PCDHGA7: variants seen among roughly 807,000 people sequenced by gnomAD.
PCDHGA7 encodes protocadherin gamma subfamily A, 7.
Under a neutral mutation model 58.3 loss-of-function variants are expected in PCDHGA7, and 44 were observed. That is an observed-to-expected ratio of 0.75 (90% CI 0.59 to 0.97). The LOEUF is 0.97. Ranked by LOEUF, PCDHGA7 falls within the 50% of genes least tolerant of loss-of-function variation. The pLI is 0.00. For missense variants in PCDHGA7, 1,266 were observed against 1,188.7 expected (o/e 1.06, Z -0.96); for synonymous variants, 516 against 504.2 (o/e 1.02, Z -0.31).
In PCDHGA7 at chr5:141,383,707, G is replaced by A; in HGVS notation, c.808G>A (p.Asp270Asn). Residue 270 changes from aspartate to asparagine, a missense_variant, in exon 1 of 4, where the codon GAC (aspartate) becomes AAC (asparagine). Coordinates refer to ENST00000518325, the MANE Select transcript of PCDHGA7 (RefSeq NM_018920.4). ...GCTCACGGTACATGCTATCGACCTG[G>A]ACGAGGGAGTCAATGGGGAAGTGAC... Reference protein sequence around the residue: ...RLLTVHAIDLDEGVNGEVTYS... With the variant: ...RLLTVHAIDLNEGVNGEVTYS... The A allele has an allele frequency of 1.9e-6, 3 of 1,613,998 alleles. No homozygotes were observed. The highest frequency in any genetic ancestry group is 2.5e-6 in the Non-Finnish European group (3 of 1,179,886).
intron 1 of PCDHGA7, chr5:141,390,863 T>C (rs1292623547): frequency 6.6e-6 from 1 of 150,928 alleles, no homozygotes. Flanking sequence ...GTACGCTGTG[T>C]GTGCGTGTGT....
intron 1 of PCDHGA7, chr5:141,400,729 A>G: frequency 1.5e-6 from 1 of 649,042 alleles, no homozygotes. Flanking sequence ...TTTACAAAGT[A>G]GTGAGAGTTT....
chr5:141,460,936 A>G (rs189741735), intron 1 of PCDHGA7, among the ~76,000 whole-genome samples: 31 of 149,318 alleles, frequency 2.1e-4, no homozygotes, highest in Non-Finnish European at 3.8e-4. Flanking sequence ...GTGTGTGTGT[A>G]TATATATGTA....
chr5:141,418,313 A>G (rs750036471), intron 1 of PCDHGA7: 2 of 1,614,038 alleles, frequency 1.2e-6, no homozygotes, highest in Middle Eastern at 1.6e-4. Context: ...GGGGATGGGA[A>G]CAATTCTTGA....
At chr5:141,437,650 A>G in intron 1 of PCDHGA7, among the ~76,000 whole-genome samples, 1 of 152,314 alleles carries the variant, frequency 6.6e-6, no homozygotes, top group Non-Finnish European at 1.5e-5. Context: ...AAAAGCAAAC[A>G]CATAGTTTCG....
At chr5:141,475,543 G>A (rs1161883598) in intron 1 of PCDHGA7, among the ~76,000 whole-genome samples, 1 of 152,196 alleles carries the variant, frequency 6.6e-6, no homozygotes, top group African/African-American at 2.4e-5. Flanking sequence ...TACAAGTAGG[G>A]TCCGGCTAAT....
chr5:141,482,530 C>CAAAAAAAAAAAAAAAAAA (rs3074545), intron 1 of PCDHGA7, among the ~76,000 whole-genome samples: 1 of 76,562 alleles, frequency 1.3e-5, no homozygotes, highest in Non-Finnish European at 2.6e-5. Flanking sequence ...GACAGACATG[C>CAAAAAAAAAAAAAAAAAA]AAAAAAAAAA....
In PCDHGA7 at chr5:141,512,264, C is replaced by G. The variant is rs1453959730; in HGVS notation, c.*1091C>G. 6.5e-6 allele frequency: 1 copy of G among 152,684 alleles called. No homozygotes were observed. The highest frequency in any genetic ancestry group is 1.5e-5 in the Non-Finnish European group (1 of 68,096). 9.5% of individuals were successfully genotyped at this position (152,684 alleles called of 1,614,324 possible). ...GGGGCCTCTGTGGGTGCTGGGTACTCCAGAGGTGCCACTGGTGGAAGGGTC... is the reference window on the plus strand; with the variant it reads ...GGGGCCTCTGTGGGTGCTGGGTACTGCAGAGGTGCCACTGGTGGAAGGGTC... On this transcript the variant is annotated 3_prime_UTR_variant, in exon 4 of 4. Transcript: ENST00000518325.
Position 141,405,029 on chromosome 5 carries a change from C to G in PCDHGA7, c.2424+19706C>G, listed in dbSNP as rs565871444. 16 of 1,613,976 alleles carry G rather than the reference C, an allele frequency of 9.9e-6. No individual in the cohort carries two copies. The Admixed American group carries it at 1.0e-4, about 10-fold the overall frequency. On this transcript the variant is annotated intron_variant, in intron 1 of 3. Coordinates refer to ENST00000518325, the MANE Select transcript of PCDHGA7 (RefSeq NM_018920.4). ...GGAGGCCTCAGACCTTACCCTCTAC[C>G]TCGTTGTGGCTGTGGCAGTCGTCTC...
At chr5:141,454,034 G>A (rs530844564) in intron 1 of PCDHGA7, among the ~76,000 whole-genome samples, 10 of 152,270 alleles carry the variant, frequency 6.6e-5, no homozygotes, top group African/African-American at 2.4e-4. Context: ...GAATTGGCCA[G>A]CAAAGATAAA....
chr5:141,505,779 T>G (rs1420143439), intron 3 of PCDHGA7, among the ~76,000 whole-genome samples: 1 of 139,496 alleles, frequency 7.2e-6, no homozygotes, highest in Non-Finnish European at 1.6e-5. Flanking sequence ...GTCCTAGCTC[T>G]GCTACTATCC....
chr5:141,414,554 C>G (rs1184557964), intron 1 of PCDHGA7: 3 of 1,613,880 alleles, frequency 1.9e-6, no homozygotes, highest in East Asian at 2.2e-5. Context: ...TCTCAAGTCT[C>G]CTACTTTACC....
intron 1 of PCDHGA7, among the ~76,000 whole-genome samples, chr5:141,434,491 C>CCCAGGGCAGAAAACTGCTTAA (rs1300377022): frequency 1.8e-4 from 27 of 152,302 alleles, no homozygotes; most frequent in Non-Finnish European, 3.4e-4. Context: ...ACCTGGCCCG[C>CCCAGGGCAGAAAACTGCTTAA]CCAGGGCAGA....
In PCDHGA7 at chr5:141,485,178, T is replaced by A; in HGVS notation, c.2425-9629T>A. The stretch of plus-strand genomic sequence containing the variant: ...GAGAATTAGCGGGCGGCAGCAATGC[T>A]CCGCAAGGTGAGAAGCTGGACAGAA... On this transcript the variant is annotated intron_variant, in intron 1 of 3. Transcript: ENST00000518325. This position sits in a 1 kb window ranked among gnomAD's most constrained non-coding sequence, Gnocchi z 5.7. 1.2e-6 allele frequency: 2 copies of A among 1,612,400 alleles called. No homozygotes were observed. Among genetic ancestry groups the A allele is most frequent in the Non-Finnish European group, 1.7e-6 (2 of 1,178,628 alleles).
At chr5:141,421,423 C>T in intron 1 of PCDHGA7, 1 of 1,614,052 alleles carries the variant, frequency 6.2e-7, no homozygotes, top group Non-Finnish European at 8.5e-7. Context: ...GCGCGGAGTC[C>T]GCATCGTCTC....
At chr5:141,495,810 C>A (rs1003475681) in intron 2 of PCDHGA7, among the ~76,000 whole-genome samples, 2 of 152,088 alleles carry the variant, frequency 1.3e-5, no homozygotes, top group African/African-American at 4.8e-5. Flanking sequence ...CGTTTCCTAG[C>A]GCCTTGTGTT....
At position 141,476,418 on chromosome 5, in the gene PCDHGA7, T is replaced by G. The variant is rs201255025; in HGVS notation, c.2425-18389T>G. ...GATCGAGAGGAGCTGTGTGGGACAC[T>G]GCCCTCTTGCACTGTAACTCTGGAG... On this transcript the variant is annotated intron_variant, in intron 1 of 3. Transcript: ENST00000518325. This position sits in a 1 kb window ranked among gnomAD's most constrained non-coding sequence, Gnocchi z 7.6. 8 of 1,614,122 alleles carry G rather than the reference T, an allele frequency of 5.0e-6. No homozygotes were observed. The highest frequency in any genetic ancestry group is 1.6e-4 in the Middle Eastern group (1 of 6,062).
intron 1 of PCDHGA7, chr5:141,433,226 C>G (rs1433770157): frequency 6.6e-7 from 1 of 1,514,890 alleles, no homozygotes; most frequent in Non-Finnish European, 9.0e-7. Context: ...TTTTTAATTG[C>G]TCTGTCTCCC....
In PCDHGA7 at chr5:141,489,993, C is replaced by A; in HGVS notation, c.2425-4814C>A. 6.2e-7 allele frequency: 1 copy of A among 1,614,186 alleles called. No individual in the cohort carries two copies. The highest frequency in any genetic ancestry group is 1.1e-5 in the South Asian group (1 of 91,088). On this transcript the variant is annotated intron_variant, in intron 1 of 3. Transcript: ENST00000518325. The surrounding 1 kb of genome is among the most constrained non-coding windows in gnomAD (Gnocchi z 4.5). ...AATCCTCAGTTCTACGTGTGGGAATCCCAGAGAATGCACCCATTGGTACTC... is the reference window on the plus strand; with the variant it reads ...AATCCTCAGTTCTACGTGTGGGAATACCAGAGAATGCACCCATTGGTACTC...
Sources: gnomAD v4.1 joint callset for allele counts (sites outside exome capture counted in the v4.1 genomes callset) on GRCh38, gnomAD v4.1.1 for gene constraint, Gnocchi (gnomAD v3.1) non-coding constraint, MANE v1.5 for transcripts, NCBI Gene and HGNC (gene_info 2026-07-23, HGNC 2026-07-21) for gene names.